The following DLGAP2 variants were observed in gnomAD, a reference collection of about 807,000 sequenced individuals.
The protein encoded by DLGAP2 is DLG associated protein 2, also known as disks large-associated protein 2.
DLGAP2 carries 26 observed loss-of-function variants against 100.3 expected under a neutral mutation model. That is an observed-to-expected ratio of 0.26 (90% confidence interval 0.19 to 0.36). The LOEUF is 0.36. Ranked by LOEUF, DLGAP2 falls within the 10% of genes least tolerant of loss-of-function variation. DLGAP2 has a pLI of 1.00. For missense variants in DLGAP2, 1,858 were observed against 1,453.2 expected, an observed-to-expected ratio of 1.28 and a Z score of -4.53; for synonymous variants, 886 against 630.1, an observed-to-expected ratio of 1.41 and a Z score of -6.08.
chr8:1,613,912 G>T (rs1356697357), intron 6 of DLGAP2, among the ~76,000 whole-genome samples: 1 of 152,148 alleles, frequency 6.6e-6, no homozygotes, highest in Non-Finnish European at 1.5e-5. Flanking sequence ...AATGCCAAAG[G>T]ACTAAATTGC....
At position 787,081 on chromosome 8, in the gene DLGAP2, T is replaced by C. The variant is rs1821885991; in HGVS notation, c.18+49256T>C. 2.0e-5 allele frequency among the ~76,000 whole-genome samples: 3 copies of C among 152,196 alleles called. No homozygotes were observed. In the South Asian group the frequency reaches 6.2e-4, roughly 31 times the overall value. Reference sequence around the variant, plus strand: ...TAAAGAAGCCACAGAACTTGGAATATTATTCTAGGTAAACTGACGATGCTT... The same window carrying C: ...TAAAGAAGCCACAGAACTTGGAATACTATTCTAGGTAAACTGACGATGCTT... On this transcript the variant is annotated intron_variant, in intron 1 of 14. Transcript: ENST00000637795.
chr8:1,129,509 C>G (rs545341822), intron 2 of DLGAP2, among the ~76,000 whole-genome samples: 2 of 152,256 alleles, frequency 1.3e-5, no homozygotes, highest in South Asian at 2.1e-4. Flanking sequence ...ACATTTGCAG[C>G]TATAATCCTA....
chr8:1,014,045 G>A (rs1197802484), intron 2 of DLGAP2, among the ~76,000 whole-genome samples: 1 of 3,064 alleles, frequency 3.3e-4, no homozygotes, highest in East Asian at 8.1e-3. Context: ...AGGACAGACG[G>A]CGCCTCCACT....
intron 2 of DLGAP2, among the ~76,000 whole-genome samples, chr8:965,324 T>A (rs868156454): frequency 3.1e-3 from 319 of 101,540 alleles, no homozygotes; most frequent in African/African-American, 0.013. Flanking sequence ...ACCCCTGCGC[T>A]GCACACGGCA....
At position 747,170 on chromosome 8, in the gene DLGAP2, G is replaced by C. The variant is rs370918565; in HGVS notation, c.18+9345G>C. On this transcript the variant is annotated intron_variant, in intron 1 of 14. Coordinates refer to ENST00000637795, the MANE Select transcript of DLGAP2 (RefSeq NM_001346810.2). ...AGGCTCTAGAGTGTGAGGGGCTGCC[G>C]GGCACTGCCCCGCCTCTGACTGCTC... Among the ~76,000 whole-genome samples the C allele has an allele frequency of 1.7e-3, 266 of 152,094 alleles. 1 individual carries two copies. Among genetic ancestry groups the C allele is most frequent in the African/African-American group, 6.0e-3 (250 of 41,496 alleles).
intron 2 of DLGAP2, among the ~76,000 whole-genome samples, chr8:1,038,676 C>G (rs2129029591): frequency 1.3e-5 from 2 of 152,278 alleles, no homozygotes; most frequent in East Asian, 3.9e-4. Flanking sequence ...GTTTCTATTT[C>G]TGTAAAAGCA....
intron 2 of DLGAP2, among the ~76,000 whole-genome samples, chr8:1,212,777 C>T (rs1330648200): frequency 8.8e-6 from 1 of 113,466 alleles, no homozygotes. Flanking sequence ...CCGCCCACCC[C>T]CCATGATTAG....
intron 2 of DLGAP2, among the ~76,000 whole-genome samples, chr8:1,254,015 CCA>C (rs1247407487): frequency 1.3e-5 from 2 of 152,196 alleles, no homozygotes; most frequent in Non-Finnish European, 2.9e-5. Context: ...AGGTGCGGAA[CCA>C]CAGTCTCTGA....
intron 1 of DLGAP2, among the ~76,000 whole-genome samples, chr8:819,315 T>A (rs188665660): frequency 5.3e-5 from 8 of 152,274 alleles, no homozygotes; most frequent in Admixed American, 5.2e-4. Flanking sequence ...TTAAGCAACA[T>A]AGCAGCCATC....
chr8:1,691,147 G>A (rs1799249487), intron 12 of DLGAP2, among the ~76,000 whole-genome samples: 1 of 152,202 alleles, frequency 6.6e-6, no homozygotes, highest in Non-Finnish European at 1.5e-5. Context: ...TAACATGTTA[G>A]AGTCCATAAA....
intron 9 of DLGAP2, 57 bp from the exon 10 acceptor site, chr8:1,669,686 G>A (rs548005067): frequency 1.2e-5 from 9 of 780,280 alleles, no homozygotes; most frequent in East Asian, 2.4e-5. Flanking sequence ...GGAGCCGCCC[G>A]CTGGTCCAGG....
chr8:1,618,436 T>C (rs2130750036), intron 6 of DLGAP2, among the ~76,000 whole-genome samples: 1 of 152,310 alleles, frequency 6.6e-6, no homozygotes, highest in East Asian at 1.9e-4. Flanking sequence ...ATTGGAAGTC[T>C]CAGTAATGTG....
At chr8:1,342,610 C>A (rs1057393751) in intron 3 of DLGAP2, among the ~76,000 whole-genome samples, 1 of 152,212 alleles carries the variant, frequency 6.6e-6, no homozygotes, top group Non-Finnish European at 1.5e-5. Flanking sequence ...TGGCTGTGCA[C>A]CGTGCTGGCA....
intron 1 of DLGAP2, among the ~76,000 whole-genome samples, chr8:797,833 C>T (rs1202502056): frequency 2.6e-5 from 4 of 152,136 alleles, no homozygotes; most frequent in Non-Finnish European, 5.9e-5. Context: ...TCACTGCAAC[C>T]TCCGCCTCCC....
At chr8:1,018,720 T>C (rs1032255063) in intron 2 of DLGAP2, 1 of 152,226 alleles carries the variant, frequency 6.6e-6, no homozygotes, top group Admixed American at 6.5e-5. Flanking sequence ...ATATTCCTTA[T>C]CAACTGGAAA....
At chr8:1,515,933 G>T (rs1234529121) in intron 4 of DLGAP2, among the ~76,000 whole-genome samples, 1 of 152,360 alleles carries the variant, frequency 6.6e-6, no homozygotes, top group East Asian at 1.9e-4. Context: ...ATGAGTGAGT[G>T]AATGAGTGCA....
At chr8:1,480,871 A>AAAAG (rs1563174043) in intron 3 of DLGAP2, among the ~76,000 whole-genome samples, 3 of 149,530 alleles carry the variant, frequency 2.0e-5, no homozygotes, top group African/African-American at 7.4e-5. Context: ...CATATAAAAA[A>AAAAG]AAAAGAAAAG....
intron 2 of DLGAP2, among the ~76,000 whole-genome samples, chr8:957,417 G>C (rs893136091): frequency 7.9e-5 from 12 of 152,152 alleles, no homozygotes; most frequent in African/African-American, 2.4e-4. Flanking sequence ...TTGGAAGCTG[G>C]GTTTAAAGCG....
intron 1 of DLGAP2, among the ~76,000 whole-genome samples, chr8:873,829 G>A (rs939642355): frequency 1.3e-5 from 2 of 152,194 alleles, no homozygotes; most frequent in Non-Finnish European, 2.9e-5. Context: ...GCAGAATTCA[G>A]TAGAGATGTC....
Sources: gnomAD v4.1 joint callset for allele counts (sites outside exome capture counted in the v4.1 genomes callset) on GRCh38, gnomAD v4.1.1 for gene constraint, MANE v1.5 for transcripts, NCBI Gene and HGNC (gene_info 2026-07-23, HGNC 2026-07-21) for gene names.